Variants in PLEKHA5 observed in about 807,000 individuals in gnomAD.
PLEKHA5 encodes the protein pleckstrin homology domain-containing family A member 5.
PLEKHA5 carries 55 observed loss-of-function variants against 181.9 expected under a neutral mutation model. The observed-to-expected ratio is 0.30, with a 90% CI of 0.24 to 0.38. The LOEUF is 0.38. Ranked by LOEUF, PLEKHA5 falls within the 10% of genes least tolerant of loss-of-function variation. The pLI, the probability that PLEKHA5 is intolerant of heterozygous loss-of-function variation, is 1.00. For missense variants in PLEKHA5, 1,432 were observed against 1,549.5 expected, an observed-to-expected ratio of 0.92 and a Z score of 1.27; for synonymous variants, 535 against 529.4, an observed-to-expected ratio of 1.01 and a Z score of -0.15.
intron 3 of PLEKHA5, among the ~76,000 whole-genome samples, chr12:19,245,222 T>G (rs1216711931): frequency 6.6e-6 from 1 of 152,230 alleles, no homozygotes; most frequent in East Asian, 1.9e-4. Flanking sequence ...ATATTTTCTT[T>G]GGACCATGTG....
intron 3 of PLEKHA5, among the ~76,000 whole-genome samples, chr12:19,223,749 T>C (rs2059316487): frequency 6.6e-6 from 1 of 152,112 alleles, no homozygotes; most frequent in South Asian, 2.1e-4. Flanking sequence ...ACTCAAAACA[T>C]AATATTCTGG....
intron 3 of PLEKHA5, among the ~76,000 whole-genome samples, chr12:19,193,515 A>G (rs1189296247): frequency 6.6e-6 from 1 of 152,142 alleles, no homozygotes; most frequent in Non-Finnish European, 1.5e-5. Flanking sequence ...GTATATAATC[A>G]TAGGGTACAA....
intron 3 of PLEKHA5, among the ~76,000 whole-genome samples, chr12:19,185,744 G>A (rs1404295993): frequency 6.6e-6 from 1 of 152,094 alleles, no homozygotes; most frequent in Non-Finnish European, 1.5e-5. Context: ...CTTAAAGAAT[G>A]CAAATGATTC....
chr12:19,158,427 G>T (rs1363916386), intron 3 of PLEKHA5, among the ~76,000 whole-genome samples: 1 of 152,198 alleles, frequency 6.6e-6, no homozygotes, highest in Non-Finnish European at 1.5e-5. Flanking sequence ...CCTGTGTAAA[G>T]GTGGCTGTGG....
chr12:19,289,332 A>G (rs1462002031), intron 13 of PLEKHA5, among the ~76,000 whole-genome samples: 1 of 152,224 alleles, frequency 6.6e-6, no homozygotes, highest in Non-Finnish European at 1.5e-5. Context: ...ATGATTTTGG[A>G]TAATGGTTAA....
chr12:19,300,323 T>G (rs2081122500), intron 15 of PLEKHA5, among the ~76,000 whole-genome samples: 1 of 152,222 alleles, frequency 6.6e-6, no homozygotes, highest in Non-Finnish European at 1.5e-5. Flanking sequence ...AATATCAGCT[T>G]CTAGCTATGG....
At chr12:19,331,149 A>G (rs1565625890) in intron 20 of PLEKHA5, among the ~76,000 whole-genome samples, 2 of 152,192 alleles carry the variant, frequency 1.3e-5, no homozygotes, top group Non-Finnish European at 2.9e-5. Context: ...TTTTTAAACT[A>G]TAGCCACCTG....
At chr12:19,352,577 C>CTTTT (rs34607449) in intron 25 of PLEKHA5, among the ~76,000 whole-genome samples, 1 of 110,142 alleles carries the variant, frequency 9.1e-6, no homozygotes. Context: ...ACAAAGAAGG[C>CTTTT]TTTTTTTTTT....
At chr12:19,152,453 T>C (rs1444633068) in intron 3 of PLEKHA5, 14 of 152,346 alleles carry the variant, frequency 9.2e-5, no homozygotes, top group African/African-American at 3.4e-4. Context: ...TTTCTTGTCT[T>C]TAGTCTTTCG....
chr12:19,210,627 G>GT (rs989348071), intron 3 of PLEKHA5, among the ~76,000 whole-genome samples: 1 of 152,172 alleles, frequency 6.6e-6, no homozygotes, highest in Non-Finnish European at 1.5e-5. Context: ...TGAAATTATA[G>GT]TTTAAGTCAA....
rs563174466 is a variant in PLEKHA5, at chr12:19,142,119, G to T, written c.227+9669G>T. Among the ~76,000 whole-genome samples the T allele has an allele frequency of 1.4e-4, 21 of 152,260 alleles. No individual in the cohort carries two copies. The South Asian group carries it at 3.1e-3, about 23-fold the overall frequency. On this transcript the variant is annotated intron_variant, in intron 3 of 31. Coordinates refer to ENST00000429027, the MANE Select transcript of PLEKHA5 (RefSeq NM_001256470.2). ...TCACGCCTGTAATCCCAACACTTTG[G>T]GAGGCCGAGGCAGGAGGATTCTTTG... is the stretch of plus-strand genomic sequence containing the variant.
intron 3 of PLEKHA5, among the ~76,000 whole-genome samples, chr12:19,210,205 G>A (rs753251074): frequency 2.0e-5 from 3 of 152,152 alleles, no homozygotes; most frequent in Non-Finnish European, 4.4e-5. Context: ...TTAAGGATTA[G>A]TTTATAATAT....
intron 3 of PLEKHA5, among the ~76,000 whole-genome samples, chr12:19,181,632 C>T (rs1457788360): frequency 2.6e-5 from 4 of 151,856 alleles, no homozygotes; most frequent in Non-Finnish European, 2.9e-5. Context: ...AAAAATTAGC[C>T]GGGTGTGGTT....
chr12:19,153,284 A>T (rs1249112950), intron 3 of PLEKHA5: 1 of 152,102 alleles, frequency 6.6e-6, no homozygotes, highest in Non-Finnish European at 1.5e-5. Flanking sequence ...TTTGTTCTGC[A>T]TTCATTAAGA....
chr12:19,329,913 C>CA (rs34020561), intron 20 of PLEKHA5, among the ~76,000 whole-genome samples: 8,333 of 142,754 alleles, frequency 0.058, 382 homozygotes, highest in East Asian at 0.2. Context: ...TCCATCTCTA[C>CA]AAAAAAAAAA....
intron 22 of PLEKHA5, among the ~76,000 whole-genome samples, chr12:19,344,105 G>GGGACCAC (rs2094147829): frequency 6.6e-6 from 1 of 151,720 alleles, no homozygotes; most frequent in South Asian, 2.1e-4. Context: ...GACCACTGTC[G>GGGACCAC]TATATGTAGT....
intron 3 of PLEKHA5, among the ~76,000 whole-genome samples, chr12:19,202,676 A>C (rs1375376422): frequency 1.3e-5 from 2 of 152,040 alleles, no homozygotes; most frequent in Non-Finnish European, 2.9e-5. Flanking sequence ...GAACCCTAAC[A>C]AACTGTGGTC....
Position 19,336,558 on chromosome 12 carries a change from A to G in PLEKHA5, c.2492A>G (p.Asp831Gly). The change falls in exon 21 of 32, where the codon GAT becomes GGT. Residue 831 changes from aspartate (D) to glycine (G), a missense_variant. Transcript: ENST00000429027. The part of the protein sequence containing the change: ...AWREYDKLEY[D>G]VTVTRNQMQE... ...AGAGAATATGATAAGTTAGAATACG[A>G]TGTAACTGTTACCAGGAACCAGATG... The G allele has an allele frequency of 1.2e-6, 2 of 1,610,530 alleles. No individual in the cohort carries two copies. The highest frequency in any genetic ancestry group is 2.2e-5 in the South Asian group (2 of 90,748).
At chr12:19,193,364 A>G (rs1297437653) in intron 3 of PLEKHA5, among the ~76,000 whole-genome samples, 1 of 152,212 alleles carries the variant, frequency 6.6e-6, no homozygotes, top group Non-Finnish European at 1.5e-5. Flanking sequence ...ATATTTTAAA[A>G]GCAAATAATG....
Sources: allele counts gnomAD v4.1 joint callset (sites outside exome capture counted in the v4.1 genomes callset), GRCh38; gene constraint gnomAD v4.1.1; transcripts MANE v1.5; gene names NCBI Gene and HGNC (gene_info 2026-07-23, HGNC 2026-07-21).